The following CHD2 variants were observed in gnomAD, a reference collection of about 807,000 sequenced individuals.
CHD2 encodes chromodomain helicase DNA binding protein 2, also known as ATP-dependent chromatin remodeler CHD2.
In CHD2, 28 loss-of-function variants were observed where a neutral mutation model predicts 243.9. The observed-to-expected ratio is 0.11, with a 90% CI of 0.09 to 0.16. The LOEUF is 0.16. Among genes scored for constraint, CHD2 ranks in the 10% least tolerant of loss-of-function variants. The pLI is 1.00. For synonymous variants in CHD2, 775 were observed against 779.0 expected (o/e 0.99, Z 0.09); for missense variants, 1,386 against 2,209.8 (o/e 0.63, Z 7.47).
Position 92,942,972 on chromosome 15 carries a change from G to A in CHD2, c.956G>A (p.Ser319Asn). The A allele has an allele frequency of 6.2e-7, 1 of 1,614,084 alleles. No homozygotes were observed. Among genetic ancestry groups the A allele is most frequent in the Non-Finnish European group, 8.5e-7 (1 of 1,179,964 alleles). ...TGGAAGGGTTGGTCTTACATCCACA[G>A]CACATGGGAGAGTGAAGAATCCTTA... Reference protein sequence around the residue: ...IKWKGWSYIHSTWESEESLQQ... With the variant: ...IKWKGWSYIHNTWESEESLQQ... The change falls in exon 9 of 39, where the codon AGC (serine) becomes AAC (asparagine). Residue 319 changes from serine (S) to asparagine (N), a missense_variant. Coordinates refer to ENST00000394196, the MANE Select transcript of CHD2 (RefSeq NM_001271.4).
intron 3 of CHD2, among the ~76,000 whole-genome samples, chr15:92,924,877 T>C (rs2053028913): frequency 6.6e-6 from 1 of 152,200 alleles, no homozygotes. Flanking sequence ...CTTGGCTCAC[T>C]GCAATCTCCG....
Position 92,946,196 on chromosome 15 carries a change from A to G in CHD2, c.1357A>G (p.Ile453Val), listed in dbSNP as rs144393676. Residue 453 changes from isoleucine to valine, a missense_variant, in exon 12 of 39, where the codon ATC (isoleucine) becomes GTC (valine). This residue lies in a region of CHD2 where 200 missense variants were observed against 292.5 expected (regional missense o/e 0.68). Transcript: ENST00000394196. ...SFHSRNNSKT[I>V]PTRECKALKQ... is the part of the protein sequence containing the mutation. ...CCACAGTAGGAACAACTCAAAAACC[A>G]TCCCAACAAGAGAATGCAAGGTATG... 6.2e-7 allele frequency: 1 copy of G among 1,611,596 alleles called. No individual in the cohort carries two copies. The highest frequency in any genetic ancestry group is 1.1e-5 in the South Asian group (1 of 90,768).
At chr15:93,014,987 A>C in intron 37 of CHD2, 78 bp downstream of exon 37, 1 of 1,091,454 alleles carries the variant, frequency 9.2e-7, no homozygotes, top group East Asian at 2.4e-5. Flanking sequence ...TTCCAAAGAC[A>C]CTGGCTAGAC....
intron 35 of CHD2, among the ~76,000 whole-genome samples, chr15:93,011,206 C>A (rs1329581945): frequency 6.6e-6 from 1 of 152,138 alleles, no homozygotes; most frequent in Non-Finnish European, 1.5e-5. Flanking sequence ...GGTCCTCGCC[C>A]TTTACAAGTC....
intron 37 of CHD2, among the ~76,000 whole-genome samples, chr15:93,018,444 G>A (rs1461372725): frequency 6.6e-6 from 1 of 152,112 alleles, no homozygotes; most frequent in Non-Finnish European, 1.5e-5. Flanking sequence ...CTTATTTGGT[G>A]GCATGTCTTT....
chr15:92,978,923 A>G (rs1021307510), intron 21 of CHD2, among the ~76,000 whole-genome samples: 8 of 152,282 alleles, frequency 5.3e-5, no homozygotes, highest in South Asian at 4.1e-4. Flanking sequence ...TTTAGAGGCA[A>G]TTTTATTTAA....
At chr15:92,926,378 C>T (rs920343069) in intron 3 of CHD2, among the ~76,000 whole-genome samples, 1 of 152,188 alleles carries the variant, frequency 6.6e-6, no homozygotes, top group Admixed American at 6.5e-5. Flanking sequence ...ATTTGATAAC[C>T]CATATTTCTC....
At chr15:92,908,391 A>T (rs555805105) in intron 2 of CHD2, among the ~76,000 whole-genome samples, 1 of 152,200 alleles carries the variant, frequency 6.6e-6, no homozygotes, top group East Asian at 1.9e-4. Context: ...TAGTCTTAAG[A>T]TTTGTGTGTT....
At chr15:92,915,355 A>C (rs987759566) in intron 2 of CHD2, among the ~76,000 whole-genome samples, 1 of 152,096 alleles carries the variant, frequency 6.6e-6, no homozygotes, top group Admixed American at 6.5e-5. Context: ...GCTCACTGCA[A>C]GCTCCGCCTC....
chr15:92,980,925 AGGAGAG>A lies in CHD2; in HGVS notation c.2973+18_2973+23del. On this transcript the variant is annotated intron_variant, in intron 23 of 38. Coordinates refer to ENST00000394196, the MANE Select transcript of CHD2 (RefSeq NM_001271.4). ...TCAGAACCTCAGGTAATTAACAATG[AGGAGAG>A]GGAAATTTTTTTGAGAAGTATGATC... 5 of 1,582,392 alleles carry A rather than the reference AGGAGAG, an allele frequency of 3.2e-6. No homozygotes were observed. The highest frequency in any genetic ancestry group is 4.3e-6 in the Non-Finnish European group (5 of 1,152,134).
In CHD2 at chr15:92,939,518, T is replaced by C. The variant is rs918425538; in HGVS notation, c.552-60T>C. The C allele has an allele frequency of 2.5e-5, 39 of 1,557,910 alleles. 2 individuals carry two copies. Among genetic ancestry groups the C allele is most frequent in the South Asian group, 2.5e-4 (21 of 84,538 alleles). On this transcript the variant is annotated intron_variant, in intron 6 of 38. Coordinates refer to ENST00000394196, the MANE Select transcript of CHD2 (RefSeq NM_001271.4). ...CACTGCTCTGGGAAATACTGTTATA[T>C]AAAGTAGACACCAAATGATAAAGTG...
intron 34 of CHD2, among the ~76,000 whole-genome samples, chr15:93,007,605 T>C (rs1309207114): frequency 2.0e-5 from 3 of 152,214 alleles, no homozygotes; most frequent in Non-Finnish European, 4.4e-5. Flanking sequence ...TTCATGACCA[T>C]GTGTCTTACT....
At chr15:92,916,182 C>T (rs1461186814) in intron 2 of CHD2, among the ~76,000 whole-genome samples, 1 of 152,202 alleles carries the variant, frequency 6.6e-6, no homozygotes, top group Non-Finnish European at 1.5e-5. Context: ...ATTGATGTCT[C>T]ATGTCTCCCT....
chr15:92,905,624 A>ATCT (rs1278101799), intron 2 of CHD2, among the ~76,000 whole-genome samples: 5 of 152,228 alleles, frequency 3.3e-5, no homozygotes, highest in Non-Finnish European at 5.9e-5. Flanking sequence ...GAAAGTTAGA[A>ATCT]TTCACTATGA....
rs1302724178 is a variant in CHD2 at position 92,911,847 on chromosome 15, T to A, written c.62+10548T>A. Reference sequence around the variant, plus strand: ...CATAATTCTGTAGTTTGCTTCTTTTTAAACACTTTGCATTTTAAAGAAGCA... The same window carrying A: ...CATAATTCTGTAGTTTGCTTCTTTTAAAACACTTTGCATTTTAAAGAAGCA... On this transcript the variant is annotated intron_variant, in intron 2 of 38. Transcript: ENST00000394196. Among the ~76,000 whole-genome samples the A allele has an allele frequency of 2.0e-5, 3 of 152,332 alleles. No individual in the cohort carries two copies. The East Asian group carries it at 5.8e-4, about 29-fold the overall frequency.
chr15:92,944,724 C>A, intron 10 of CHD2: 1 of 297,072 alleles, frequency 3.4e-6, no homozygotes, highest in Admixed American at 4.7e-5. Context: ...AGATTTGTGG[C>A]CTAAACATGT....
chr15:93,021,609 A>T (rs973663426), intron 38 of CHD2: 24 of 152,206 alleles, frequency 1.6e-4, no homozygotes, highest in African/African-American at 5.8e-4. Context: ...CTTCAAGTTC[A>T]CTAATACTTT....
intron 24 of CHD2, among the ~76,000 whole-genome samples, chr15:92,982,553 C>G (rs2053992991): frequency 6.6e-6 from 1 of 152,126 alleles, no homozygotes; most frequent in South Asian, 2.1e-4. Flanking sequence ...CAAAGGTTTT[C>G]AAGATTCATG....
chr15:92,902,227 A>T (rs2052538734), intron 2 of CHD2: 1 of 397,956 alleles, frequency 2.5e-6, no homozygotes, highest in East Asian at 3.6e-5. Flanking sequence ...GTTTGTGCAA[A>T]TCATGATCTG....
Sources: allele counts gnomAD v4.1 joint callset (sites outside exome capture counted in the v4.1 genomes callset), GRCh38; gene constraint gnomAD v4.1.1; regional missense constraint gnomAD v4.1.1; transcripts MANE v1.5; gene names NCBI Gene and HGNC (gene_info 2026-07-23, HGNC 2026-07-21).